Variants in TMOD1 observed in about 807,000 individuals in gnomAD.
The protein encoded by TMOD1 is tropomodulin 1.
In TMOD1, 17 loss-of-function variants were observed where a neutral mutation model predicts 40.6. The ratio of observed to expected loss-of-function variants is 0.42; its 90% CI spans 0.29 to 0.63. The LOEUF (loss-of-function observed/expected upper bound fraction) is 0.63. Among genes scored for constraint, TMOD1 ranks in the 20% least tolerant of loss-of-function variants. The pLI is 0.22. For missense variants in TMOD1, 391 were observed against 447.6 expected (o/e 0.87, Z 1.14); for synonymous variants, 181 against 175.0 (o/e 1.03, Z -0.27).
chr9:97,601,730 A>AGTT lies in TMOD1; in HGVS notation c.*2034_*2036dup, dbSNP rs1391341785. ...GGTGTGGCTGTTCAATAAACTATAC[A>AGTT]GTTGACCCTTGAACAATATGGGTTT... On this transcript the variant is annotated 3_prime_UTR_variant, in exon 10 of 10. Coordinates refer to ENST00000259365, the MANE Select transcript of TMOD1 (RefSeq NM_003275.4). The AGTT allele has an allele frequency of 7.4e-6, 2 of 271,304 alleles. No homozygotes were observed. The highest frequency in any genetic ancestry group is 4.6e-5 in the African/African-American group (2 of 43,812). 16.8% of individuals were successfully genotyped at this position (271,304 alleles called of 1,614,324 possible). A position where few individuals can be genotyped will look rare whatever the true frequency, so the allele number is the denominator to read the frequency against.
At chr9:97,559,180 G>T (rs978941740) in intron 4 of TMOD1, among the ~76,000 whole-genome samples, 2 of 152,194 alleles carry the variant, frequency 1.3e-5, no homozygotes, top group African/African-American at 4.8e-5. Context: ...CTCCGTGGGA[G>T]CTGGAGAGCC....
Position 97,601,158 on chromosome 9 carries a change from C to T in TMOD1, c.*1460C>T. On this transcript the variant is annotated 3_prime_UTR_variant, in exon 10 of 10. Coordinates refer to ENST00000259365, the MANE Select transcript of TMOD1 (RefSeq NM_003275.4). ...CAGGAGTGGCACCATGTTGCAGGGACAACCATCCCCATTTGGCTTCTCCTT... is the reference window on the plus strand; with the variant it reads ...CAGGAGTGGCACCATGTTGCAGGGATAACCATCCCCATTTGGCTTCTCCTT... 1 of 1,302,030 alleles carries T rather than the reference C, an allele frequency of 7.7e-7. No homozygotes were observed. Among genetic ancestry groups the T allele is most frequent in the Non-Finnish European group, 1.0e-6 (1 of 988,092 alleles). 80.7% of individuals were successfully genotyped at this position (1,302,030 alleles called of 1,614,324 possible).
At chr9:97,590,998 A>G (rs1825988603) in intron 8 of TMOD1, among the ~76,000 whole-genome samples, 1 of 152,096 alleles carries the variant, frequency 6.6e-6, no homozygotes, top group Non-Finnish European at 1.5e-5. Flanking sequence ...TCCTTCAAAT[A>G]CTCTTCTGTC....
At chr9:97,555,167 C>T (rs909186429) in intron 4 of TMOD1, among the ~76,000 whole-genome samples, 1 of 152,226 alleles carries the variant, frequency 6.6e-6, no homozygotes, top group Non-Finnish European at 1.5e-5. Context: ...GGGATTTATT[C>T]TGTCAGAAGC....
chr9:97,574,307 C>T (rs921102510), intron 8 of TMOD1, among the ~76,000 whole-genome samples: 2 of 152,016 alleles, frequency 1.3e-5, no homozygotes, highest in Non-Finnish European at 2.9e-5. Context: ...GGGCCCCGCA[C>T]TCGGAGCGGC....
chr9:97,524,497 G>GGTGTGTGTGTGTGTGT (rs71369515), intron 2 of TMOD1, among the ~76,000 whole-genome samples, 189 bp downstream of exon 2: 1,537 of 142,970 alleles, frequency 0.011, 43 homozygotes, highest in African/African-American at 0.036. Flanking sequence ...GAACCAATAG[G>GGTGTGTGTGTGTGTGT]GTGTGTGTGT....
chr9:97,589,493 A>G (rs1825956735), intron 8 of TMOD1, among the ~76,000 whole-genome samples: 1 of 149,844 alleles, frequency 6.7e-6, no homozygotes, highest in South Asian at 2.1e-4. Context: ...GTTGGCCAGG[A>G]TAGTCTGGAT....
chr9:97,586,879 G>A (rs530801460), intron 8 of TMOD1, among the ~76,000 whole-genome samples: 133 of 152,294 alleles, frequency 8.7e-4, no homozygotes, highest in African/African-American at 3.1e-3. Flanking sequence ...CACGGTGCAC[G>A]CACCCACTGA....
At chr9:97,507,634 C>G (rs1829609335) in intron 1 of TMOD1, among the ~76,000 whole-genome samples, 1 of 152,144 alleles carries the variant, frequency 6.6e-6, no homozygotes, top group Non-Finnish European at 1.5e-5. Context: ...CCCCTGAAGC[C>G]TATTCAAAAG....
At chr9:97,531,542 C>T (rs1370196812) in intron 2 of TMOD1, among the ~76,000 whole-genome samples, 10 of 152,014 alleles carry the variant, frequency 6.6e-5, no homozygotes, top group East Asian at 3.9e-4. Flanking sequence ...ACCTGGGAGG[C>T]GGAGGTTGCA....
chr9:97,601,215 T>G lies in TMOD1; in HGVS notation c.*1517T>G, dbSNP rs1826251095. ...CAATTGCAGCTGCATTCTGCATCGC[T>G]GAAAACTGCAATATAATATTAAATC... On this transcript the variant is annotated 3_prime_UTR_variant, in exon 10 of 10. Coordinates refer to ENST00000259365, the MANE Select transcript of TMOD1 (RefSeq NM_003275.4). 1.6e-6 allele frequency: 2 copies of G among 1,283,914 alleles called. No individual in the cohort carries two copies. Among genetic ancestry groups the G allele is most frequent in the East Asian group, 5.7e-5 (1 of 17,682 alleles). The allele number at this position is 1,283,914 out of a possible 1,614,324, so 79.5% of individuals were successfully genotyped here. A position where few individuals can be genotyped will look rare whatever the true frequency, so the allele number is the denominator to read the frequency against.
intron 4 of TMOD1, among the ~76,000 whole-genome samples, chr9:97,560,473 C>T (rs1020573163): frequency 5.3e-5 from 8 of 151,732 alleles, no homozygotes; most frequent in African/African-American, 1.7e-4. Context: ...TTGAATGGGG[C>T]GTACTTAGCT....
intron 8 of TMOD1, among the ~76,000 whole-genome samples, chr9:97,571,442 A>G (rs1226843962): frequency 6.6e-6 from 1 of 152,246 alleles, no homozygotes; most frequent in African/African-American, 2.4e-5. Context: ...CTAAGGAGAT[A>G]ACAGATGTAA....
chr9:97,590,863 G>T (rs1342242561), intron 8 of TMOD1, among the ~76,000 whole-genome samples: 3 of 152,096 alleles, frequency 2.0e-5, no homozygotes, highest in Non-Finnish European at 4.4e-5. Context: ...GAAATCTCCT[G>T]AGAAGTTTTT....
At chr9:97,506,914 G>C (rs569796750) in intron 1 of TMOD1, among the ~76,000 whole-genome samples, 25 of 152,314 alleles carry the variant, frequency 1.6e-4, no homozygotes, top group African/African-American at 5.5e-4. Flanking sequence ...TTTCTAAAAA[G>C]CTCCTTGCTT....
intron 8 of TMOD1, 73 bp downstream of exon 8, chr9:97,569,110 C>A: frequency 1.3e-6 from 2 of 1,567,298 alleles, no homozygotes; most frequent in Non-Finnish European, 8.7e-7. Flanking sequence ...TCCCATGCTG[C>A]TGGATGGAGC....
rs1200818424 is a variant in TMOD1 at position 97,557,024 on chromosome 9, C to T, written c.397+3624C>T. 6.6e-6 allele frequency among the ~76,000 whole-genome samples: 1 copy of T among 152,170 alleles called. No individual in the cohort carries two copies. Among genetic ancestry groups the T allele is most frequent in the East Asian group, 1.9e-4 (1 of 5,190 alleles). ...GGGTGAGATGCATCACTCATGTATT[C>T]ACCTAACTGCTCACTAAGCCAGTGC... On this transcript the variant is annotated intron_variant, in intron 4 of 9. Coordinates refer to ENST00000259365, the MANE Select transcript of TMOD1 (RefSeq NM_003275.4). The surrounding 1 kb of genome is among the most constrained non-coding windows in gnomAD (Gnocchi z 4.4).
chr9:97,588,429 TTG>T (rs1195149890), intron 8 of TMOD1, among the ~76,000 whole-genome samples: 2 of 152,208 alleles, frequency 1.3e-5, no homozygotes, highest in African/African-American at 4.8e-5. Context: ...CATTTATAAA[TTG>T]TGTTTTTACT....
chr9:97,522,881 G>A (rs1038761702), intron 1 of TMOD1, among the ~76,000 whole-genome samples: 1 of 152,086 alleles, frequency 6.6e-6, no homozygotes, highest in South Asian at 2.1e-4. Context: ...GAGTTTTTAG[G>A]AGACACATAT....
Sources: allele counts gnomAD v4.1 joint callset (sites outside exome capture counted in the v4.1 genomes callset), GRCh38; gene constraint gnomAD v4.1.1; non-coding constraint Gnocchi (gnomAD v3.1); transcripts MANE v1.5; gene names NCBI Gene and HGNC (gene_info 2026-07-23, HGNC 2026-07-21).